The following NXPE2 variants were observed in gnomAD, a reference collection of about 807,000 sequenced individuals.
NXPE2 encodes neurexophilin and PC-esterase domain family member 2, also known as NXPE family member 2.
In NXPE2, 34 loss-of-function variants were observed where a neutral mutation model predicts 34.4. The observed-to-expected ratio is 0.99, with a 90% CI of 0.75 to 1.31. NXPE2 has a LOEUF of 1.31. NXPE2 is among the 40% of genes most tolerant of loss of function. NXPE2 has a pLI of 0.00. For missense variants in NXPE2, 649 were observed against 672.5 expected, an observed-to-expected ratio of 0.97 and a Z score of 0.39; for synonymous variants, 235 against 231.3, an observed-to-expected ratio of 1.02 and a Z score of -0.15.
At chr11:114,704,151 T>G in intron 4 of NXPE2, 99 bp downstream of exon 4, 1 of 870,228 alleles carries the variant, frequency 1.1e-6, no homozygotes, top group Non-Finnish European at 1.8e-6. Flanking sequence ...ATTTGATCTC[T>G]CATTTCCTGG....
the NXPE2 span, among the ~76,000 whole-genome samples, chr11:114,735,002 C>T: frequency 6.6e-6 from 1 of 152,004 alleles, no homozygotes; most frequent in Non-Finnish European, 1.5e-5. Context: ...CCAGGCTACT[C>T]GGGAGGCCGA....
chr11:114,764,470 CTACA>C, the NXPE2 span, among the ~76,000 whole-genome samples: 2 of 151,288 alleles, frequency 1.3e-5, no homozygotes, highest in Non-Finnish European at 2.9e-5. Flanking sequence ...GTGTGCGCCT[CTACA>C]TACATTACAT....
chr11:114,577,452 A>G, the NXPE2 span, among the ~76,000 whole-genome samples: 2 of 152,108 alleles, frequency 1.3e-5, no homozygotes, highest in East Asian at 3.9e-4. Context: ...CACAGTGTAC[A>G]CTGCTCGGGC....
At chr11:114,582,458 GC>G in the NXPE2 span, 1 of 1,614,166 alleles carries the variant, frequency 6.2e-7, no homozygotes, top group Non-Finnish European at 8.5e-7. Context: ...TTAGGATCAG[GC>G]CACATTCAGA....
chr11:114,578,496 A>G, the NXPE2 span, among the ~76,000 whole-genome samples: 1 of 152,150 alleles, frequency 6.6e-6, no homozygotes, highest in Non-Finnish European at 1.5e-5. Context: ...TTTCCCTAGG[A>G]GTTTAGTCAT....
chr11:114,560,060 C>T, the NXPE2 span, among the ~76,000 whole-genome samples: 1 of 152,134 alleles, frequency 6.6e-6, no homozygotes, highest in Non-Finnish European at 1.5e-5. Flanking sequence ...TTCCTTCTCT[C>T]TCCATGTTAC....
chr11:114,775,395 G>C, the NXPE2 span, among the ~76,000 whole-genome samples: 1 of 152,210 alleles, frequency 6.6e-6, no homozygotes, highest in African/African-American at 2.4e-5. Flanking sequence ...GGGGGGGCAA[G>C]AGGACAACAC....
the NXPE2 span, among the ~76,000 whole-genome samples, chr11:114,760,967 T>C: frequency 6.6e-6 from 1 of 152,164 alleles, no homozygotes; most frequent in Non-Finnish European, 1.5e-5. Context: ...TGCTTCTGAT[T>C]ATGAAGATGT....
At chr11:114,476,739 C>A in the NXPE2 span, among the ~76,000 whole-genome samples, 1 of 152,088 alleles carries the variant, frequency 6.6e-6, no homozygotes, top group Non-Finnish European at 1.5e-5. Flanking sequence ...GGAAACTGCC[C>A]CATGATCCAA....
intron 2 of NXPE2, among the ~76,000 whole-genome samples, chr11:114,693,469 C>A (rs1214592500): frequency 2.6e-5 from 4 of 152,148 alleles, no homozygotes; most frequent in African/African-American, 9.7e-5. Context: ...GCCCATGTCC[C>A]AGACTGTCCA....
At chr11:114,603,170 A>C in the NXPE2 span, among the ~76,000 whole-genome samples, 2 of 151,620 alleles carry the variant, frequency 1.3e-5, no homozygotes, top group Non-Finnish European at 2.9e-5. Context: ...AACTACTATT[A>C]CCTGGTGGAT....
the NXPE2 span, chr11:114,530,049 C>A: frequency 3.0e-6 from 3 of 988,034 alleles, no homozygotes; most frequent in Non-Finnish European, 4.5e-6. Context: ...CCCAAGAAGA[C>A]ACCACATGTC....
chr11:114,774,319 C>CT, the NXPE2 span, among the ~76,000 whole-genome samples: 1 of 152,234 alleles, frequency 6.6e-6, no homozygotes, highest in Non-Finnish European at 1.5e-5. Context: ...CAGGTGTACT[C>CT]TCCATTTCCA....
At chr11:114,568,666 C>CT in the NXPE2 span, among the ~76,000 whole-genome samples, 1 of 152,116 alleles carries the variant, frequency 6.6e-6, no homozygotes, top group Non-Finnish European at 1.5e-5. Flanking sequence ...TCTCAAGCCT[C>CT]TGTCTTCCTC....
the NXPE2 span, among the ~76,000 whole-genome samples, chr11:114,604,530 T>C: frequency 6.6e-6 from 1 of 151,918 alleles, no homozygotes; most frequent in African/African-American, 2.4e-5. Context: ...ACCTGGTAAA[T>C]AATAAGTATT....
In NXPE2 at chr11:114,702,914, C is replaced by G. The variant is rs192773003; in HGVS notation, c.867-1077C>G. 2.0e-3 allele frequency among the ~76,000 whole-genome samples: 301 copies of G among 152,296 alleles called. 1 individual carries two copies. The highest frequency in any genetic ancestry group is 5.9e-3 in the African/African-American group (245 of 41,566). ...TTCTCAATCTTAGAAAGGGCTTTCT[C>G]TATCCCTTTTGAAGGTTTCTGTGGC... On this transcript the variant is annotated intron_variant, in intron 3 of 5. Transcript: ENST00000389586.
At chr11:114,735,956 A>G in the NXPE2 span, among the ~76,000 whole-genome samples, 2 of 152,130 alleles carry the variant, frequency 1.3e-5, no homozygotes, top group African/African-American at 4.8e-5. Flanking sequence ...AAAGAGAGAA[A>G]TTTTAAAGCT....
At chr11:114,506,908 C>A in the NXPE2 span, among the ~76,000 whole-genome samples, 3 of 151,952 alleles carry the variant, frequency 2.0e-5, no homozygotes, top group East Asian at 5.8e-4. Context: ...GAGATTGAGA[C>A]ACAAAAAAAC....
the NXPE2 span, among the ~76,000 whole-genome samples, chr11:114,487,134 G>A: frequency 2.0e-5 from 3 of 152,014 alleles, no homozygotes; most frequent in Admixed American, 6.6e-5. Context: ...AATGAATATG[G>A]AATGTCTTTC....
Sources: gnomAD v4.1 joint callset for allele counts (sites outside exome capture counted in the v4.1 genomes callset) on GRCh38, gnomAD v4.1.1 for gene constraint, MANE v1.5 for transcripts, NCBI Gene and HGNC (gene_info 2026-07-23, HGNC 2026-07-21) for gene names.